The following CSMD1 variants were observed in gnomAD, a reference collection of about 807,000 sequenced individuals.
CSMD1 encodes the protein CUB and sushi domain-containing protein 1.
CSMD1 carries 213 observed loss-of-function variants against 417.5 expected under a neutral mutation model. The observed-to-expected ratio is 0.51, with a 90% CI of 0.46 to 0.57. CSMD1 has a LOEUF of 0.57. Among genes scored for constraint, CSMD1 ranks in the 20% least tolerant of loss-of-function variants. The pLI, the probability that CSMD1 is intolerant of heterozygous loss-of-function variation, is 0.00. For synonymous variants in CSMD1, 2,862 were observed against 1,736.8 expected (o/e 1.65, Z -16.11); for missense variants, 6,923 against 4,529.7 (o/e 1.53, Z -15.17).
At chr8:3,711,538 GC>G (rs1209435201) in intron 6 of CSMD1, among the ~76,000 whole-genome samples, 1 of 152,168 alleles carries the variant, frequency 6.6e-6, no homozygotes, top group Non-Finnish European at 1.5e-5. Flanking sequence ...TGCAACCACG[GC>G]ACCTGGCGTC....
chr8:4,053,833 C>T (rs2554533), intron 3 of CSMD1, among the ~76,000 whole-genome samples: 131,145 of 152,116 alleles, frequency 0.86, 56,672 homozygotes, highest in South Asian at 0.94. Flanking sequence ...TGTTCAGTAG[C>T]TTTTACTAGT....
chr8:3,903,180 A>T (rs2129134777), intron 5 of CSMD1, among the ~76,000 whole-genome samples: 1 of 152,200 alleles, frequency 6.6e-6, no homozygotes, highest in Non-Finnish European at 1.5e-5. Context: ...TTGAGTATTA[A>T]GTGTTCTTCT....
chr8:4,444,343 T>C (rs1172055645), intron 2 of CSMD1, among the ~76,000 whole-genome samples: 1 of 37,330 alleles, frequency 2.7e-5, no homozygotes, highest in African/African-American at 1.1e-4. Flanking sequence ...TGAGACTCCA[T>C]CTCAAAAAAA....
chr8:3,386,490 C>G (rs905500), intron 18 of CSMD1, among the ~76,000 whole-genome samples: 31,018 of 152,124 alleles, frequency 0.2, 3,442 homozygotes, highest in Admixed American at 0.23. Flanking sequence ...TGTGTGGGTT[C>G]GTGCTTTGGT....
chr8:3,774,947 A>G (rs1306979057), intron 5 of CSMD1, among the ~76,000 whole-genome samples: 1 of 152,048 alleles, frequency 6.6e-6, no homozygotes, highest in African/African-American at 2.4e-5. Flanking sequence ...GCGAGACGGG[A>G]AACAGGTAGC....
At chr8:3,428,124 A>G (rs1813976004) in intron 12 of CSMD1, among the ~76,000 whole-genome samples, 2 of 152,260 alleles carry the variant, frequency 1.3e-5, no homozygotes, top group South Asian at 2.1e-4. Flanking sequence ...GAAATTAAAT[A>G]GATGTTAAAT....
chr8:3,383,523 C>T (rs748685917), intron 18 of CSMD1, among the ~76,000 whole-genome samples: 28 of 152,052 alleles, frequency 1.8e-4, no homozygotes, highest in Non-Finnish European at 3.8e-4. Flanking sequence ...GGAGGGAAGC[C>T]TTCTTCCACA....
chr8:3,848,084 TC>T (rs1803635245), intron 5 of CSMD1, among the ~76,000 whole-genome samples: 1 of 143,820 alleles, frequency 7.0e-6, no homozygotes. Context: ...TCTCTCTCTC[TC>T]TCTCTAAATA....
chr8:4,431,634 C>A (rs1040890695), intron 2 of CSMD1, among the ~76,000 whole-genome samples: 1 of 151,872 alleles, frequency 6.6e-6, no homozygotes, highest in South Asian at 2.1e-4. Context: ...AACAGACAAA[C>A]AAAAAACAGA....
At chr8:2,978,393 T>A (rs1323286246) in intron 55 of CSMD1, among the ~76,000 whole-genome samples, 1 of 152,218 alleles carries the variant, frequency 6.6e-6, no homozygotes, top group Admixed American at 6.5e-5. Flanking sequence ...TCATTTCTCC[T>A]GAGCATACCA....
intron 1 of CSMD1, among the ~76,000 whole-genome samples, chr8:4,828,142 G>A (rs114665825): frequency 3.9e-5 from 6 of 152,130 alleles, no homozygotes; most frequent in African/African-American, 1.4e-4. Flanking sequence ...CTTATCCCAC[G>A]AGGAAATTCA....
chr8:4,210,251 G>A (rs985724863), intron 3 of CSMD1, among the ~76,000 whole-genome samples: 7 of 152,188 alleles, frequency 4.6e-5, no homozygotes, highest in African/African-American at 1.7e-4. Flanking sequence ...AGGGGCAGAG[G>A]ACTGCTCTTT....
At chr8:3,148,170 G>T (rs1459565071) in intron 40 of CSMD1, among the ~76,000 whole-genome samples, 1 of 152,044 alleles carries the variant, frequency 6.6e-6, no homozygotes, top group African/African-American at 2.4e-5. Flanking sequence ...GATCAAAAAG[G>T]GGAGAAATCA....
chr8:3,742,423 A>G (rs1489817147), intron 6 of CSMD1, among the ~76,000 whole-genome samples: 1 of 152,214 alleles, frequency 6.6e-6, no homozygotes, highest in Non-Finnish European at 1.5e-5. Context: ...AGAGTCAGTA[A>G]ATTTTTAATT....
intron 10 of CSMD1, among the ~76,000 whole-genome samples, chr8:3,554,375 T>G (rs12691303): frequency 0.56 from 84,620 of 151,976 alleles, 23,851 homozygotes; most frequent in East Asian, 0.67. Context: ...TGTGAACCAA[T>G]TTGGGATTGA....
At chr8:3,565,970 C>A (rs1204011319) in intron 10 of CSMD1, among the ~76,000 whole-genome samples, 2 of 152,176 alleles carry the variant, frequency 1.3e-5, no homozygotes, top group African/African-American at 4.8e-5. Context: ...CATTCTCATG[C>A]CATTCCTTTC....
chr8:2,993,754 G>A (rs1222491288), intron 54 of CSMD1, among the ~76,000 whole-genome samples: 3 of 152,096 alleles, frequency 2.0e-5, no homozygotes, highest in African/African-American at 7.2e-5. Flanking sequence ...TAGACTGAGT[G>A]CCACAATGAA....
chr8:3,367,322 G>T, intron 19 of CSMD1, 75 bp from the exon 20 acceptor site: 1 of 934,862 alleles, frequency 1.1e-6, no homozygotes, highest in South Asian at 1.4e-5. Context: ...AGAGGGAGCG[G>T]GGCAGAGAGA....
chr8:4,507,371 T>C (rs1316158558), intron 2 of CSMD1, among the ~76,000 whole-genome samples: 1 of 152,212 alleles, frequency 6.6e-6, no homozygotes, highest in South Asian at 2.1e-4. Context: ...TCCCATTAGA[T>C]AGTTGGTGCT....
Sources: gnomAD v4.1 joint callset for allele counts (sites outside exome capture counted in the v4.1 genomes callset) on GRCh38, gnomAD v4.1.1 for gene constraint, MANE v1.5 for transcripts, NCBI Gene and HGNC (gene_info 2026-07-23, HGNC 2026-07-21) for gene names.